EXOC2: variants seen among roughly 807,000 people sequenced by gnomAD.
EXOC2 encodes the protein exocyst complex component 2.
EXOC2 carries 70 observed loss-of-function variants against 131.8 expected under a neutral mutation model. The ratio of observed to expected loss-of-function variants is 0.53; its 90% confidence interval spans 0.44 to 0.65. EXOC2 has a LOEUF of 0.65. Among genes scored for constraint, EXOC2 ranks in the 30% least tolerant of loss-of-function variants. The pLI is 0.00. For missense variants in EXOC2, 923 were observed against 1,108.6 expected (o/e 0.83, Z 2.38); for synonymous variants, 411 against 398.4 (o/e 1.03, Z -0.38).
At chr6:598,290 T>C (rs1184460300) in intron 9 of EXOC2, among the ~76,000 whole-genome samples, 167 bp from the exon 10 acceptor site, 2 of 152,244 alleles carry the variant, frequency 1.3e-5, no homozygotes, top group Admixed American at 6.5e-5. Context: ...AGGGTGTACA[T>C]ATTTGTCAAA....
chr6:566,468 A>T (rs534513394), intron 13 of EXOC2, among the ~76,000 whole-genome samples: 166 of 152,272 alleles, frequency 1.1e-3, no homozygotes, highest in Non-Finnish European at 2.2e-3. Flanking sequence ...GTGAGGAAGG[A>T]GGCATGCGCA....
chr6:495,971 A>T (rs1327140493), intron 25 of EXOC2, among the ~76,000 whole-genome samples: 1 of 152,174 alleles, frequency 6.6e-6, no homozygotes, highest in African/African-American at 2.4e-5. Context: ...CTGACTTTTT[A>T]AAAAATCTAT....
At chr6:500,034 G>C (rs1763953967) in intron 23 of EXOC2, among the ~76,000 whole-genome samples, 1 of 151,682 alleles carries the variant, frequency 6.6e-6, no homozygotes, top group African/African-American at 2.4e-5. Context: ...ATATAGATAA[G>C]TATCTATATA....
chr6:556,441 G>A, intron 18 of EXOC2, 43 bp downstream of exon 18: 3 of 1,594,564 alleles, frequency 1.9e-6, no homozygotes, highest in Non-Finnish European at 2.6e-6. Flanking sequence ...GATTCCCAAG[G>A]CTCCCTGGGA....
chr6:610,104 G>C lies in EXOC2; in HGVS notation c.736C>G (p.Leu246Val). 6.2e-7 allele frequency: 1 copy of C among 1,613,810 alleles called. No homozygotes were observed. Among genetic ancestry groups the C allele is most frequent in the Non-Finnish European group, 8.5e-7 (1 of 1,179,858 alleles). Residue 246 changes from leucine (L) to valine (V), a missense_variant, in exon 7 of 28, where the codon CTG becomes GTG. Coordinates refer to ENST00000230449, the MANE Select transcript of EXOC2 (RefSeq NM_018303.6). ...GSMTQKLENV[L>V]NRASNTADTL... ...GTAGTAGGACAAAACTTACTGTTCA[G>C]AACATTCTCCAGTTTCTGCGTCATG...
intron 7 of EXOC2, among the ~76,000 whole-genome samples, chr6:600,082 T>C (rs1020361736): frequency 2.0e-5 from 3 of 152,238 alleles, no homozygotes; most frequent in African/African-American, 4.8e-5. Flanking sequence ...GACTATACTT[T>C]AAGCAAAGAT....
At position 489,045 on chromosome 6, in the gene EXOC2, C is replaced by T. The variant is rs914434114; in HGVS notation, c.2622-7G>A. ...AGCCTGCTTAAAACTTGACCTGAAA[C>T]ACAAACAGCCACACTGAAGTTGAAG... On this transcript the variant is annotated splice_polypyrimidine_tract_variant and splice_region_variant and intron_variant, in intron 26 of 27. Coordinates refer to ENST00000230449, the MANE Select transcript of EXOC2 (RefSeq NM_018303.6). 1.2e-6 allele frequency: 2 copies of T among 1,613,714 alleles called. No homozygotes were observed. Among genetic ancestry groups the T allele is most frequent in the Non-Finnish European group, 1.7e-6 (2 of 1,179,790 alleles).
At chr6:513,565 T>A (rs1764973563) in intron 23 of EXOC2, among the ~76,000 whole-genome samples, 1 of 152,244 alleles carries the variant, frequency 6.6e-6, no homozygotes, top group Non-Finnish European at 1.5e-5. Context: ...ATTCCTTCAA[T>A]ACACAAACTT....
rs1369864090 is a variant in EXOC2, at chr6:491,023, G to C, written c.2621+102C>G. 12 of 1,178,134 alleles carry C rather than the reference G, an allele frequency of 1.0e-5. No individual in the cohort carries two copies. The East Asian group carries it at 2.1e-4, about 21-fold the overall frequency. The allele number at this position is 1,178,134 out of a possible 1,614,324, so 73.0% of individuals were successfully genotyped here. ...AAACTTTATCACATCACAAATTCAT[G>C]AGCATGTGCTCTGATCAGTCATCTT... is the stretch of plus-strand genomic sequence containing the variant. On this transcript the variant is annotated intron_variant, in intron 26 of 27. Transcript: ENST00000230449.
intron 23 of EXOC2, among the ~76,000 whole-genome samples, chr6:523,355 G>C (rs1439418019): frequency 6.6e-6 from 1 of 152,246 alleles, no homozygotes; most frequent in Non-Finnish European, 1.5e-5. Flanking sequence ...CCTACGCACA[G>C]AACTGTCGGC....
At chr6:689,837 A>G (rs775103780) in intron 1 of EXOC2, among the ~76,000 whole-genome samples, 4 of 152,218 alleles carry the variant, frequency 2.6e-5, no homozygotes, top group Admixed American at 2.6e-4. Flanking sequence ...GTGCTATAAG[A>G]CAAGTGCTAG....
intron 20 of EXOC2, 145 bp from the exon 21 acceptor site, chr6:554,065 A>C (rs1269680994): frequency 1.0e-5 from 7 of 670,066 alleles, no homozygotes; most frequent in Non-Finnish European, 1.8e-5. Context: ...TTTGAGATGA[A>C]GTCTTGCTCT....
chr6:579,757 C>A (rs1410509211), intron 11 of EXOC2, among the ~76,000 whole-genome samples: 2 of 150,942 alleles, frequency 1.3e-5, no homozygotes, highest in African/African-American at 2.4e-5. Flanking sequence ...TATGTATGAC[C>A]AAGTGTCAAA....
chr6:572,698 C>A (rs760296620), intron 12 of EXOC2, 54 bp from the exon 13 acceptor site: 1 of 1,586,618 alleles, frequency 6.3e-7, no homozygotes, highest in Non-Finnish European at 8.6e-7. Context: ...CAAGAAAACA[C>A]CTTTGAGCAT....
intron 1 of EXOC2, among the ~76,000 whole-genome samples, chr6:638,798 G>T (rs1009682141): frequency 2.6e-5 from 4 of 152,108 alleles, no homozygotes; most frequent in African/African-American, 9.7e-5. Context: ...ACGTGGTGGT[G>T]CACGCCTGTA....
At chr6:686,549 G>C (rs973308214) in intron 1 of EXOC2, among the ~76,000 whole-genome samples, 10 of 152,188 alleles carry the variant, frequency 6.6e-5, no homozygotes, top group African/African-American at 2.4e-4. Flanking sequence ...CTGGAAGCCA[G>C]ACAAGTATAT....
At chr6:488,660 A>C (rs892947290) in intron 27 of EXOC2, among the ~76,000 whole-genome samples, 4 of 152,084 alleles carry the variant, frequency 2.6e-5, no homozygotes, top group Non-Finnish European at 5.9e-5. Flanking sequence ...TATGCTACTA[A>C]TACAGTTTAC....
At position 656,083 on chromosome 6, in the gene EXOC2, A is replaced by C; in HGVS notation, c.-43-18222T>G. On this transcript the variant is annotated intron_variant, in intron 1 of 27. Transcript: ENST00000230449. ...GTTTTGAAAAGATCAAAACCTTAAA[A>C]AAAAAATCTAAGCTGGCTGAATTTT... The C allele has an allele frequency of 1.9e-6, 3 of 1,554,934 alleles. No individual in the cohort carries two copies. The South Asian group carries it at 3.5e-5, about 18-fold the overall frequency.
chr6:638,539 T>C (rs1472283841), intron 1 of EXOC2, among the ~76,000 whole-genome samples: 1 of 152,174 alleles, frequency 6.6e-6, no homozygotes, highest in Non-Finnish European at 1.5e-5. Flanking sequence ...GTATGTAAAG[T>C]GGAGCTAGAA....
Sources: allele counts gnomAD v4.1 joint callset (sites outside exome capture counted in the v4.1 genomes callset), GRCh38; gene constraint gnomAD v4.1.1; transcripts MANE v1.5; gene names NCBI Gene and HGNC (gene_info 2026-07-23, HGNC 2026-07-21).